The following NLGN4X variants were observed in gnomAD, a reference collection of about 807,000 sequenced individuals.
NLGN4X encodes the protein neuroligin-4, X-linked.
A neutral mutation model predicts 40.3 loss-of-function variants in NLGN4X; 3 were observed. That is an observed-to-expected ratio of 0.07 (90% CI 0.03 to 0.19). The LOEUF (loss-of-function observed/expected upper bound fraction) is 0.19. Ranked by LOEUF, NLGN4X falls within the 10% of genes least tolerant of loss-of-function variation. The pLI is 1.00. For missense variants in NLGN4X, 382 were observed against 708.3 expected (o/e 0.54, Z 5.23); for synonymous variants, 270 against 306.8 (o/e 0.88, Z 1.25).
At chrX:6,097,123 T>C (rs2038795304) in intron 2 of NLGN4X, among the ~76,000 whole-genome samples, 1 of 111,375 alleles carries the variant, frequency 9.0e-6, no homozygotes, top group Non-Finnish European at 1.9e-5. Context: ...TTAGTTCTCT[T>C]AGGTGAATTC....
At chrX:5,954,374 C>G (rs1354967095) in intron 3 of NLGN4X, among the ~76,000 whole-genome samples, 1 of 101,947 alleles carries the variant, frequency 9.8e-6, no homozygotes, top group East Asian at 3.1e-4. Context: ...CAGGCAGGCA[C>G]CAGCATGCTT....
chrX:6,140,062 AAGAC>A (rs1227163325), intron 2 of NLGN4X, among the ~76,000 whole-genome samples: 1 of 111,563 alleles, frequency 9.0e-6, no homozygotes, highest in Non-Finnish European at 1.9e-5. Flanking sequence ...TATGTCATAA[AAGAC>A]AGAGAAGAGA....
intron 1 of NLGN4X, among the ~76,000 whole-genome samples, chrX:6,177,793 G>C (rs963119856): frequency 4.5e-5 from 5 of 111,098 alleles, no homozygotes; most frequent in African/African-American, 1.3e-4. Context: ...CTGAATGTTT[G>C]TGCCCCTCCA....
intron 3 of NLGN4X, among the ~76,000 whole-genome samples, chrX:6,027,432 G>A (rs2036730951): frequency 8.9e-6 from 1 of 112,007 alleles, no homozygotes; most frequent in African/African-American, 3.2e-5. Context: ...GACACTAAAA[G>A]GTTTTTTGGT....
chrX:6,149,172 C>T (rs1468261334), intron 2 of NLGN4X, among the ~76,000 whole-genome samples: 1 of 112,025 alleles, frequency 8.9e-6, no homozygotes, highest in Non-Finnish European at 1.9e-5. Context: ...TGCAATGAAA[C>T]GGCCACACCG....
chrX:5,940,807 C>T (rs1037177020), intron 3 of NLGN4X, among the ~76,000 whole-genome samples: 5 of 110,537 alleles, frequency 4.5e-5, no homozygotes, highest in African/African-American at 1.6e-4. Context: ...ATGAAAATCT[C>T]ACAGTCAGTA....
intron 5 of NLGN4X, among the ~76,000 whole-genome samples, chrX:5,902,850 A>C (rs987032977): frequency 8.9e-6 from 1 of 112,800 alleles, no homozygotes; most frequent in Admixed American, 9.3e-5. Flanking sequence ...TTTTACTCCT[A>C]TAACACTTTA....
At chrX:6,082,948 GT>G (rs930625574) in intron 2 of NLGN4X, among the ~76,000 whole-genome samples, 3 of 70,353 alleles carry the variant, frequency 4.3e-5, no homozygotes, top group East Asian at 6.9e-4. Flanking sequence ...GCCATGATGC[GT>G]TTTTTTCTTT....
At chrX:6,035,564 T>G in intron 2 of NLGN4X, among the ~76,000 whole-genome samples, 1 of 112,108 alleles carries the variant, frequency 8.9e-6, no homozygotes, top group Non-Finnish European at 1.9e-5. Context: ...GAAAAGACTA[T>G]CCTTGCCTCC....
chrX:6,085,458 G>A (rs1439109789), intron 2 of NLGN4X, among the ~76,000 whole-genome samples: 2 of 111,582 alleles, frequency 1.8e-5, no homozygotes, highest in East Asian at 5.7e-4. Flanking sequence ...CTTCAATAAA[G>A]AAGGTCAAGG....
intron 3 of NLGN4X, among the ~76,000 whole-genome samples, chrX:5,924,652 T>C (rs998550005): frequency 8.9e-6 from 1 of 111,906 alleles, no homozygotes; most frequent in African/African-American, 3.2e-5. Context: ...TACATAAATA[T>C]ATGATGGAAT....
chrX:6,111,020 C>T (rs997428689), intron 2 of NLGN4X, among the ~76,000 whole-genome samples: 8 of 111,341 alleles, frequency 7.2e-5, no homozygotes, highest in African/African-American at 9.8e-5. Flanking sequence ...AACCCTAACC[C>T]GAACCCTAAC....
intron 2 of NLGN4X, among the ~76,000 whole-genome samples, chrX:6,083,625 G>C (rs1376258065): frequency 2.7e-5 from 3 of 112,001 alleles, no homozygotes; most frequent in African/African-American, 9.7e-5. Context: ...CAGGAAGACA[G>C]CACATAGCTA....
chrX:5,903,514 G>A lies in NLGN4X; in HGVS notation c.1164C>T (p.Asp388=), dbSNP rs372880465. 35 of 1,206,219 alleles carry A rather than the reference G, an allele frequency of 2.9e-5. No individual in the cohort carries two copies. The highest frequency in any genetic ancestry group is 4.4e-5 in the Admixed American group (2 of 45,491). Residue 388 remains aspartate (D), a synonymous_variant, in exon 5 of 6, where the codon GAC becomes GAT. Coordinates refer to ENST00000381095, the MANE Select transcript of NLGN4X (RefSeq NM_181332.3). ...AGTCAAAGTCGTTGGGCGTCACACC[G>A]TCCTCGTTATCCACGATGCCGTCCA... ...KFVDGIVDNE[D]GVTPNDFDFS... is the part of the protein sequence containing the mutation.
intron 3 of NLGN4X, among the ~76,000 whole-genome samples, chrX:5,989,046 C>G (rs1185400737): frequency 9.6e-6 from 1 of 103,720 alleles, no homozygotes; most frequent in Non-Finnish European, 2.0e-5. Context: ...CCAGCTTGGG[C>G]GACAGAGCGA....
At chrX:6,110,741 G>C (rs990970949) in intron 2 of NLGN4X, among the ~76,000 whole-genome samples, 1 of 111,720 alleles carries the variant, frequency 9.0e-6, no homozygotes, top group Admixed American at 9.5e-5. Flanking sequence ...AAGAGAAACA[G>C]CTTCTATGTA....
intron 2 of NLGN4X, among the ~76,000 whole-genome samples, chrX:6,076,468 A>G (rs1422570291): frequency 2.7e-5 from 3 of 111,663 alleles, no homozygotes; most frequent in Non-Finnish European, 5.6e-5. Flanking sequence ...GACTCTGGCA[A>G]TTTTTCTGGT....
chrX:5,913,931 C>T (rs2032641071), intron 3 of NLGN4X, among the ~76,000 whole-genome samples: 1 of 111,946 alleles, frequency 8.9e-6, no homozygotes, highest in Non-Finnish European at 1.9e-5. Flanking sequence ...CCCCTGGACA[C>T]ATTCTCTTGC....
chrX:6,214,053 C>G (rs1427916599), intron 1 of NLGN4X, among the ~76,000 whole-genome samples: 1 of 111,770 alleles, frequency 8.9e-6, no homozygotes, highest in Non-Finnish European at 1.9e-5. Flanking sequence ...TTTGACAAAC[C>G]ATAATTAATT....
Sources: gnomAD v4.1 joint callset for allele counts (sites outside exome capture counted in the v4.1 genomes callset) on GRCh38, gnomAD v4.1.1 for gene constraint, MANE v1.5 for transcripts, NCBI Gene and HGNC (gene_info 2026-07-23, HGNC 2026-07-21) for gene names.